UTP20: variants seen among roughly 807,000 people sequenced by gnomAD.
The protein encoded by UTP20 is UTP20 small subunit processome component, also known as small subunit processome component 20 homolog.
In UTP20, 164 loss-of-function variants were observed where a neutral mutation model predicts 329.5. The observed-to-expected ratio is 0.50, with a 90% CI of 0.44 to 0.57. The LOEUF (loss-of-function observed/expected upper bound fraction) is 0.57, where lower values mean the gene tolerates loss of function less well. UTP20 is among the 20% of genes least tolerant of loss of function. UTP20 has a pLI of 0.00. For missense variants in UTP20, 3,055 were observed against 3,284.2 expected (o/e 0.93, Z 1.71); for synonymous variants, 1,151 against 1,159.3 (o/e 0.99, Z 0.14).
chr12:101,353,069 G>T lies in UTP20; in HGVS notation c.5047G>T (p.Ala1683Ser). ...GVSLLVIVLE[A>S]FHFDHKTLEE... ...CAGTTTGCTAGTAATAGTGTTAGAA[G>T]CATTCCACTTTGACCACAAAACTCT... The change falls in exon 40 of 62, where the codon GCA becomes TCA. Residue 1683 changes from alanine (A) to serine (S), a missense_variant. Transcript: ENST00000261637. The T allele has an allele frequency of 6.3e-7, 1 of 1,595,144 alleles. No homozygotes were observed. The highest frequency in any genetic ancestry group is 1.3e-5 in the African/African-American group (1 of 74,756).
At chr12:101,312,511 G>C (rs996829290) in intron 21 of UTP20, among the ~76,000 whole-genome samples, 4 of 152,112 alleles carry the variant, frequency 2.6e-5, no homozygotes, top group African/African-American at 9.7e-5. Flanking sequence ...GTGCGATCTC[G>C]GCTCACTGCA....
chr12:101,324,822 C>A (rs755820489), intron 25 of UTP20, among the ~76,000 whole-genome samples: 1 of 152,124 alleles, frequency 6.6e-6, no homozygotes, highest in Admixed American at 6.5e-5. Flanking sequence ...TATTTATATT[C>A]ATTTATTCAA....
intron 43 of UTP20, 39 bp downstream of exon 43, chr12:101,357,121 G>T: frequency 1.3e-6 from 2 of 1,560,320 alleles, no homozygotes; most frequent in Non-Finnish European, 1.7e-6. Flanking sequence ...AGTTGTATTG[G>T]AGTTAAAATA....
At position 101,299,736 on chromosome 12, in the gene UTP20, A is replaced by C; in HGVS notation, c.1485A>C (p.Pro495=). Residue 495 remains proline (P), a synonymous_variant, in exon 13 of 62, where the codon CCA becomes CCC. Transcript: ENST00000261637. The part of the protein sequence containing the change: ...TRSKGRNEQF[P]VLDHLLSIIK... ...CCAAGGGAAGAAACGAACAGTTTCC[A>C]GTATTGGACCATCTTTTATCTATAA... 1 of 1,611,150 alleles carries C rather than the reference A, an allele frequency of 6.2e-7. No homozygotes were observed. The highest frequency in any genetic ancestry group is 8.5e-7 in the Non-Finnish European group (1 of 1,179,098).
At position 101,312,183 on chromosome 12, in the gene UTP20, T is replaced by G. The variant is rs759796303; in HGVS notation, c.2459T>G (p.Phe820Cys). The G allele has an allele frequency of 6.2e-7, 1 of 1,614,216 alleles. No individual in the cohort carries two copies. Residue 820 changes from phenylalanine to cysteine, a missense_variant, in exon 21 of 62, where the codon TTC becomes TGC. By Grantham distance (205) the Phe-to-Cys change is radical. Transcript: ENST00000261637. ...CAGGAAAGACTTGACCACACCAACT[T>G]CAGATTCCTGCTCTGGAGAGCTCTG... ...DCQERLDHTN[F>C]RFLLWRALTK... is the part of the protein sequence containing the mutation.
rs201119620 is a variant in UTP20, at chr12:101,281,143, A to G, written c.73A>G (p.Asn25Asp). 3.1e-6 allele frequency: 5 copies of G among 1,613,024 alleles called. No homozygotes were observed. Among genetic ancestry groups the G allele is most frequent in the Admixed American group, 3.3e-5 (2 of 60,006 alleles). The change falls in exon 2 of 62, where the codon AAT becomes GAT. Residue 25 changes from asparagine to aspartate, a missense_variant. Asn to Asp is a conservative substitution (Grantham distance 23). Coordinates refer to ENST00000261637, the MANE Select transcript of UTP20 (RefSeq NM_014503.3). Reference sequence around the variant, plus strand: ...TCTTACATTTGCTGAACGACTGGGGAATGTTAATATTGATATTATTCACCG... The same window carrying G: ...TCTTACATTTGCTGAACGACTGGGGGATGTTAATATTGATATTATTCACCG... ...RFLTFAERLG[N>D]VNIDIIHRID...
chr12:101,327,008 C>G, intron 25 of UTP20, 73 bp from the exon 26 acceptor site: 1 of 1,466,130 alleles, frequency 6.8e-7, no homozygotes, highest in Non-Finnish European at 9.3e-7. Flanking sequence ...GCTCTTCTAG[C>G]CTTTTAGGCA....
intron 45 of UTP20, 82 bp from the exon 46 acceptor site, chr12:101,365,377 T>C: frequency 1.0e-6 from 1 of 994,872 alleles, no homozygotes; most frequent in East Asian, 2.8e-5. Flanking sequence ...AGAAAGCTAA[T>C]ATATAAAAGA....
At chr12:101,366,820 G>T in intron 47 of UTP20, 121 bp downstream of exon 47, 7 of 1,301,480 alleles carry the variant, frequency 5.4e-6, no homozygotes, top group East Asian at 2.5e-5. Context: ...ATACATTTTA[G>T]ATTTTTTTTT....
At position 101,320,877 on chromosome 12, in the gene UTP20, T is replaced by C. The variant is rs746429618; in HGVS notation, c.2855T>C (p.Val952Ala). 1 of 1,611,822 alleles carries C rather than the reference T, an allele frequency of 6.2e-7. No individual in the cohort carries two copies. Among genetic ancestry groups the C allele is most frequent in the East Asian group, 2.2e-5 (1 of 44,760 alleles). Residue 952 changes from valine to alanine, a missense_variant, in exon 24 of 62, where the codon GTG (valine) becomes GCG (alanine). By Grantham distance (64) the Val-to-Ala change is moderately conservative. Coordinates refer to ENST00000261637, the MANE Select transcript of UTP20 (RefSeq NM_014503.3). ...LQLLLHQDQM[V>A]QKITLDCIMT... Reference sequence around the variant, plus strand: ...TTGTTGCTACACCAAGATCAAATGGTGCAAAAAATAACCTTGGATTGCATA... The same window carrying C: ...TTGTTGCTACACCAAGATCAAATGGCGCAAAAAATAACCTTGGATTGCATA...
chr12:101,348,988 G>C (rs891116256), intron 38 of UTP20, among the ~76,000 whole-genome samples: 1 of 152,014 alleles, frequency 6.6e-6, no homozygotes, highest in Non-Finnish European at 1.5e-5. Context: ...GCAAGGTAAT[G>C]TTGCTGGGTA....
intron 18 of UTP20, 83 bp downstream of exon 18, chr12:101,308,426 A>G: frequency 3.9e-6 from 2 of 508,188 alleles, no homozygotes; most frequent in Non-Finnish European, 5.3e-6. Flanking sequence ...AGTCACCAAA[A>G]TAATAATAAT....
intron 45 of UTP20, among the ~76,000 whole-genome samples, chr12:101,365,027 C>G (rs1052579995): frequency 3.3e-5 from 5 of 151,076 alleles, no homozygotes; most frequent in African/African-American, 9.8e-5. Context: ...CATAGTAGCA[C>G]TTCATTCTCG....
intron 38 of UTP20, 131 bp from the exon 39 acceptor site, chr12:101,351,924 T>C: frequency 1.9e-6 from 2 of 1,065,798 alleles, no homozygotes; most frequent in Non-Finnish European, 2.7e-6. Flanking sequence ...GGGAAAAAAT[T>C]AGTATAGTTT....
chr12:101,339,001 G>A, intron 31 of UTP20, 44 bp downstream of exon 31: 1 of 1,526,584 alleles, frequency 6.6e-7, no homozygotes, highest in South Asian at 1.3e-5. Flanking sequence ...TACCATCCTT[G>A]GTTTTAACTT....
intron 31 of UTP20, among the ~76,000 whole-genome samples, chr12:101,340,228 A>G (rs1869076174): frequency 6.6e-6 from 1 of 152,206 alleles, no homozygotes; most frequent in Non-Finnish European, 1.5e-5. Flanking sequence ...ATTACTAATT[A>G]CCAGACTGGA....
intron 9 of UTP20, 24 bp downstream of exon 9, chr12:101,291,912 C>T (rs577563097): frequency 2.1e-5 from 34 of 1,607,978 alleles, no homozygotes; most frequent in African/African-American, 8.0e-5. Context: ...TTAATATGCT[C>T]GAGAGTCTGG....
chr12:101,302,541 A>G lies in UTP20; in HGVS notation c.1769A>G (p.Lys590Arg), dbSNP rs149303591. 88 of 1,604,078 alleles carry G rather than the reference A, an allele frequency of 5.5e-5. No homozygotes were observed. The African/African-American group carries it at 1.1e-3, about 19-fold the overall frequency. ...LLHLVPVERV[K>R]NLVLTFPLEP... ...CATTTGGTTCCTGTGGAACGTGTGA[A>G]GAATTTAGTATTGTAAGTAAACATC... Residue 590 changes from lysine (K) to arginine (R), a missense_variant, in exon 15 of 62, where the codon AAG becomes AGG. Physicochemically the swap from Lys to Arg is conservative, Grantham distance 26 (BLOSUM62 2). Coordinates refer to ENST00000261637, the MANE Select transcript of UTP20 (RefSeq NM_014503.3).
intron 23 of UTP20, 48 bp downstream of exon 23, chr12:101,319,683 C>G (rs370643713): frequency 2.0e-6 from 3 of 1,468,704 alleles, no homozygotes; most frequent in African/African-American, 2.9e-5. Context: ...GAACTTTTCT[C>G]TATCATTTTC....
Sources: allele counts gnomAD v4.1 joint callset (sites outside exome capture counted in the v4.1 genomes callset), GRCh38; gene constraint gnomAD v4.1.1; transcripts MANE v1.5; gene names NCBI Gene and HGNC (gene_info 2026-07-23, HGNC 2026-07-21).